Variants in KCNK9 observed in about 807,000 individuals in gnomAD.
KCNK9 encodes potassium channel subfamily K member 9.
A neutral mutation model predicts 10.8 loss-of-function variants in KCNK9; 1 was observed. That is an observed-to-expected ratio of 0.09 (90% CI 0.03 to 0.44). The LOEUF (loss-of-function observed/expected upper bound fraction) is 0.44, where lower values mean the gene tolerates loss of function less well. Ranked by LOEUF, KCNK9 falls within the 20% of genes least tolerant of loss-of-function variation. The pLI is 0.97. For synonymous variants in KCNK9, 231 were observed against 222.7 expected (o/e 1.04, Z -0.33); for missense variants, 303 against 515.0 (o/e 0.59, Z 3.98).
At chr8:139,627,886 G>A (rs1815028170) in intron 1 of KCNK9, among the ~76,000 whole-genome samples, 1 of 152,254 alleles carries the variant, frequency 6.6e-6, no homozygotes, top group Admixed American at 6.5e-5. Context: ...CAGCTGGCAG[G>A]CCAGGGCCTC....
rs1351037585 is a variant in KCNK9 at position 139,702,578 on chromosome 8, G to T, written c.283+132C>A. 7 of 912,672 alleles carry T rather than the reference G, an allele frequency of 7.7e-6. No homozygotes were observed. The highest frequency in any genetic ancestry group is 8.0e-6 in the Non-Finnish European group (5 of 624,354). The allele number at this position is 912,672 out of a possible 1,614,324, so 56.5% of individuals were successfully genotyped here. A position where few individuals can be genotyped will look rare whatever the true frequency, so the allele number is the denominator to read the frequency against. ...GGGGGCTCCCTAGAGAGGAGGGGGCGCTGCGGGAAGGCCCCCAAGGGAGGC... is the reference window on the plus strand; with the variant it reads ...GGGGGCTCCCTAGAGAGGAGGGGGCTCTGCGGGAAGGCCCCCAAGGGAGGC... On this transcript the variant is annotated intron_variant, in intron 1 of 1. Transcript: ENST00000520439. This position sits in a 1 kb window ranked among gnomAD's most constrained non-coding sequence, Gnocchi z 7.5.
intron 1 of KCNK9, among the ~76,000 whole-genome samples, chr8:139,627,613 C>A (rs1815017504): frequency 6.6e-6 from 1 of 152,230 alleles, no homozygotes; most frequent in Non-Finnish European, 1.5e-5. Flanking sequence ...GGAGTGAGCC[C>A]AGCTCACAGA....
intron 1 of KCNK9, among the ~76,000 whole-genome samples, chr8:139,658,044 G>T (rs1313422229): frequency 6.6e-6 from 1 of 152,200 alleles, no homozygotes; most frequent in Non-Finnish European, 1.5e-5. Flanking sequence ...TCAAGTCCTT[G>T]GTTGTATCAG....
At chr8:139,661,538 C>T (rs996164276) in intron 1 of KCNK9, among the ~76,000 whole-genome samples, 2 of 152,166 alleles carry the variant, frequency 1.3e-5, no homozygotes, top group African/African-American at 4.8e-5. Context: ...AAGGGTATGC[C>T]CTCCCCTCTG....
chr8:139,687,520 ATATTCATATATATG>A (rs1816831842), intron 1 of KCNK9, among the ~76,000 whole-genome samples: 2 of 139,018 alleles, frequency 1.4e-5, no homozygotes, highest in South Asian at 2.2e-4. Context: ...GTATACACAT[ATATTCATATATATG>A]TATACACATA....
At chr8:139,692,660 C>T (rs1391389359) in intron 1 of KCNK9, among the ~76,000 whole-genome samples, 1 of 152,166 alleles carries the variant, frequency 6.6e-6, no homozygotes, top group Non-Finnish European at 1.5e-5. Flanking sequence ...TCATCATGAC[C>T]AGACTCACTG....
chr8:139,633,188 C>T (rs1815229947), intron 1 of KCNK9, among the ~76,000 whole-genome samples: 1 of 152,136 alleles, frequency 6.6e-6, no homozygotes, highest in Admixed American at 6.5e-5. Flanking sequence ...CACGAATATA[C>T]ACATGACATG....
At chr8:139,601,428 C>G (rs1430163498) in exon 3 of KCNK9, 2 of 152,160 alleles carry the variant, frequency 1.3e-5, no homozygotes, top group African/African-American at 2.4e-5. Context: ...GCCACCAGCT[C>G]TAGACACATT....
rs1260828853 is a variant in KCNK9 at position 139,686,500 on chromosome 8, G to C, written c.283+16210C>G. On this transcript the variant is annotated intron_variant, in intron 1 of 1. Transcript: ENST00000520439. The stretch of plus-strand genomic sequence containing the variant: ...AAAGAAGACATTTATGCAGCCAACA[G>C]ACATATGAAAAAATGCACATTAGCA... Among the ~76,000 whole-genome samples the C allele has an allele frequency of 3.9e-5, 6 of 152,166 alleles. No individual in the cohort carries two copies. The East Asian group carries it at 7.7e-4, about 20-fold the overall frequency.
At chr8:139,658,588 G>A (rs1816076729) in intron 1 of KCNK9, among the ~76,000 whole-genome samples, 1 of 152,180 alleles carries the variant, frequency 6.6e-6, no homozygotes, top group Non-Finnish European at 1.5e-5. Flanking sequence ...ACGGAGGGGA[G>A]AGCACAACCC....
intron 1 of KCNK9, among the ~76,000 whole-genome samples, chr8:139,681,211 G>A (rs1366893922): frequency 6.6e-6 from 1 of 152,210 alleles, no homozygotes; most frequent in African/African-American, 2.4e-5. Context: ...TTTTACATAT[G>A]GAAACACTAG....
At chr8:139,652,180 A>T (rs1815886257) in intron 1 of KCNK9, among the ~76,000 whole-genome samples, 2 of 152,136 alleles carry the variant, frequency 1.3e-5, no homozygotes, top group African/African-American at 4.8e-5. Flanking sequence ...GATTATAGAG[A>T]TAGTACAGCA....
intron 1 of KCNK9, among the ~76,000 whole-genome samples, chr8:139,677,689 T>TCCCCACAGC (rs1430877580): frequency 1.6e-4 from 25 of 151,620 alleles, no homozygotes; most frequent in African/African-American, 5.8e-4. Flanking sequence ...GCCCAGTGGG[T>TCCCCACAGC]TCCCACAGCT....
downstream of KCNK9, among the ~76,000 whole-genome samples, chr8:139,608,914 G>A (rs1814323650): frequency 6.6e-6 from 1 of 152,144 alleles, no homozygotes; most frequent in African/African-American, 2.4e-5. Context: ...GAAGGAACTG[G>A]CAGACTCGGC....
chr8:139,666,910 G>T (rs113921345), intron 1 of KCNK9, among the ~76,000 whole-genome samples: 3 of 152,358 alleles, frequency 2.0e-5, no homozygotes, highest in African/African-American at 7.2e-5. Flanking sequence ...CTGGCCCAGA[G>T]GGCTGAGTTT....
chr8:139,667,985 C>A (rs1816340512), intron 1 of KCNK9, among the ~76,000 whole-genome samples: 1 of 152,136 alleles, frequency 6.6e-6, no homozygotes, highest in African/African-American at 2.4e-5. Flanking sequence ...CCTTGCTTTA[C>A]TACACTTTGC....
intron 1 of KCNK9, among the ~76,000 whole-genome samples, chr8:139,695,224 G>A (rs1033664691): frequency 3.3e-5 from 5 of 152,230 alleles, no homozygotes; most frequent in African/African-American, 1.2e-4. Context: ...AATGCAGGAA[G>A]GGGCTACCCA....
chr8:139,698,711 G>C (rs1269157889), intron 1 of KCNK9, among the ~76,000 whole-genome samples: 7 of 152,216 alleles, frequency 4.6e-5, no homozygotes, highest in Non-Finnish European at 8.8e-5. Context: ...GCACAGACCT[G>C]GCAGGGCCAG....
chr8:139,626,503 G>A (rs1424490062), intron 1 of KCNK9, among the ~76,000 whole-genome samples: 1 of 152,184 alleles, frequency 6.6e-6, no homozygotes, highest in African/African-American at 2.4e-5. Context: ...GGCCAGTCCA[G>A]GTTTGAGCCC....
Sources: gnomAD v4.1 joint callset for allele counts (sites outside exome capture counted in the v4.1 genomes callset) on GRCh38, gnomAD v4.1.1 for gene constraint, Gnocchi (gnomAD v3.1) non-coding constraint, MANE v1.5 for transcripts, NCBI Gene and HGNC (gene_info 2026-07-23, HGNC 2026-07-21) for gene names.